The following CNTLN variants were observed in gnomAD, a reference collection of about 807,000 sequenced individuals.
CNTLN encodes centlein.
Under a neutral mutation model 180.0 loss-of-function variants are expected in CNTLN, and 212 were observed. The ratio of observed to expected loss-of-function variants is 1.18; its 90% CI spans 1.05 to 1.32. CNTLN has a LOEUF of 1.32. CNTLN is among the 40% of genes most tolerant of loss of function. The probability of loss-of-function intolerance (pLI) is 0.00; values close to 1 mark genes in which losing one functional copy is unlikely to be tolerated. For synonymous variants in CNTLN, 722 were observed against 563.1 expected (o/e 1.28, Z -3.99); for missense variants, 2,095 against 1,610.9 (o/e 1.30, Z -5.14).
At chr9:17,265,412 G>C (rs1827343714) in intron 5 of CNTLN, among the ~76,000 whole-genome samples, 2 of 152,118 alleles carry the variant, frequency 1.3e-5, no homozygotes, top group African/African-American at 4.8e-5. Context: ...TGGTGGATAA[G>C]CTTTTTGATG....
chr9:17,451,297 A>G (rs1381369947), intron 18 of CNTLN, among the ~76,000 whole-genome samples: 1 of 152,160 alleles, frequency 6.6e-6, no homozygotes, highest in African/African-American at 2.4e-5. Context: ...TTTATGTTGT[A>G]ATTTTTTAGA....
the CNTLN span, among the ~76,000 whole-genome samples, chr9:17,514,084 G>A: frequency 6.6e-6 from 1 of 151,962 alleles, no homozygotes; most frequent in Non-Finnish European, 1.5e-5. Context: ...GAGGTGGGAG[G>A]ATCGCTTGAG....
At chr9:17,264,286 C>T (rs201788205) in intron 5 of CNTLN, among the ~76,000 whole-genome samples, 55 of 142,468 alleles carry the variant, frequency 3.9e-4, no homozygotes, top group African/African-American at 7.2e-4. Context: ...CCCAGCACCA[C>T]TTATTAAATA....
At chr9:17,305,799 C>G (rs981952307) in intron 7 of CNTLN, among the ~76,000 whole-genome samples, 2 of 152,164 alleles carry the variant, frequency 1.3e-5, no homozygotes, top group African/African-American at 4.8e-5. Flanking sequence ...AAGTTCACAA[C>G]TGAGTGATCT....
chr9:17,225,979 T>G (rs1824440391), intron 2 of CNTLN, among the ~76,000 whole-genome samples: 1 of 152,020 alleles, frequency 6.6e-6, no homozygotes, highest in South Asian at 2.1e-4. Context: ...TAAACTATGT[T>G]TTATGTAATT....
chr9:17,466,607 G>T, intron 22 of CNTLN, 99 bp from the exon 23 acceptor site: 1 of 914,308 alleles, frequency 1.1e-6, no homozygotes. Context: ...AATACATAGA[G>T]AGAATAATAA....
intron 8 of CNTLN, among the ~76,000 whole-genome samples, chr9:17,311,564 C>T (rs915852371): frequency 1.5e-4 from 22 of 151,190 alleles, no homozygotes; most frequent in African/African-American, 4.4e-4. Flanking sequence ...AATCCCAGCA[C>T]TTTGAGAGGC....
At chr9:17,519,044 C>T in the CNTLN span, among the ~76,000 whole-genome samples, 596 of 149,034 alleles carry the variant, frequency 4.0e-3, 3 homozygotes, top group African/African-American at 0.015. Flanking sequence ...TACCTCAGCC[C>T]CCTGAGTAGC....
At chr9:17,211,249 G>A (rs1199520084) in intron 2 of CNTLN, among the ~76,000 whole-genome samples, 2 of 152,180 alleles carry the variant, frequency 1.3e-5, no homozygotes, top group African/African-American at 4.8e-5. Flanking sequence ...GTAAGGAAGG[G>A]ATCCAGTTTC....
intron 6 of CNTLN, among the ~76,000 whole-genome samples, chr9:17,277,275 G>C (rs1342751320): frequency 1.3e-5 from 1 of 75,498 alleles, no homozygotes; most frequent in Non-Finnish European, 2.8e-5. Flanking sequence ...GGGGTAGATG[G>C]GGTAGAACCA....
At chr9:17,311,726 T>TC (rs1819149621) in intron 8 of CNTLN, among the ~76,000 whole-genome samples, 1 of 151,906 alleles carries the variant, frequency 6.6e-6, no homozygotes, top group African/African-American at 2.4e-5. Context: ...GGAGAATTGC[T>TC]CCAACGTGGG....
At chr9:17,307,970 AACCACACACAC>A (rs1226501401) in intron 7 of CNTLN, among the ~76,000 whole-genome samples, 1 of 121,516 alleles carries the variant, frequency 8.2e-6, no homozygotes, top group East Asian at 2.6e-4. Flanking sequence ...TAGCCTTTAA[AACCACACACAC>A]ACACACACAC....
At chr9:17,380,177 G>A (rs1825121125) in intron 13 of CNTLN, among the ~76,000 whole-genome samples, 1 of 152,190 alleles carries the variant, frequency 6.6e-6, no homozygotes, top group Non-Finnish European at 1.5e-5. Flanking sequence ...AATGAGGGTT[G>A]TCTCATTGCC....
chr9:17,515,788 G>C, the CNTLN span, among the ~76,000 whole-genome samples: 1 of 152,136 alleles, frequency 6.6e-6, no homozygotes, highest in South Asian at 2.1e-4. Context: ...TGGTCTCCCT[G>C]CTTCAGCTGT....
chr9:17,174,555 A>G (rs552225246), intron 2 of CNTLN, among the ~76,000 whole-genome samples: 1 of 152,140 alleles, frequency 6.6e-6, no homozygotes, highest in East Asian at 1.9e-4. Context: ...AATTAGCCGG[A>G]CGTGGTGGTG....
Position 17,299,241 on chromosome 9 carries a change from CAAAAAAAAA to C in CNTLN, c.1146+907_1146+915del, listed in dbSNP as rs368954391. On this transcript the variant is annotated intron_variant, in intron 7 of 25. Coordinates refer to ENST00000380647, the MANE Select transcript of CNTLN (RefSeq NM_017738.4). ...CAGGCGACAGGGGGAGACAACGTCTCAAAAAAAAAAAAAAAAAAAAAAAAAACCTTTACT... is the reference window on the plus strand; with the variant it reads ...CAGGCGACAGGGGGAGACAACGTCTCAAAAAAAAAAAAAAAAACCTTTACT... 7.4e-4 allele frequency: 68 copies of C among 91,696 alleles called. 2 individuals carry two copies. In the Middle Eastern group the frequency reaches 0.022, roughly 30 times the overall value. The allele number at this position is 91,696 out of a possible 1,614,324, so 5.7% of individuals were successfully genotyped here.
At chr9:17,268,847 C>G (rs191701382) in intron 5 of CNTLN, among the ~76,000 whole-genome samples, 2 of 151,592 alleles carry the variant, frequency 1.3e-5, no homozygotes, top group African/African-American at 4.8e-5. Context: ...GAGCCAGGTG[C>G]GGGTTATAAT....
chr9:17,168,683 T>C (rs998341777), intron 2 of CNTLN: 4 of 152,264 alleles, frequency 2.6e-5, no homozygotes, highest in African/African-American at 9.6e-5. Context: ...ATAAATGTCC[T>C]GTATAGCAAC....
chr9:17,526,168 C>T, the CNTLN span, among the ~76,000 whole-genome samples: 2 of 152,118 alleles, frequency 1.3e-5, no homozygotes, highest in African/African-American at 2.4e-5. Context: ...ATCTCCTGAC[C>T]TTGTGATCCA....
Sources: allele counts gnomAD v4.1 joint callset (sites outside exome capture counted in the v4.1 genomes callset), GRCh38; gene constraint gnomAD v4.1.1; transcripts MANE v1.5; gene names NCBI Gene and HGNC (gene_info 2026-07-23, HGNC 2026-07-21).